CDKL4: variants seen among roughly 807,000 people sequenced by gnomAD.
The protein encoded by CDKL4 is cyclin dependent kinase like 4.
In CDKL4, 44 loss-of-function variants were observed where a neutral mutation model predicts 42.0. The observed-to-expected ratio is 1.05, with a 90% CI of 0.82 to 1.35. The LOEUF (loss-of-function observed/expected upper bound fraction) is 1.35. CDKL4 is among the 40% of genes most tolerant of loss of function. The pLI is 0.00. For missense variants in CDKL4, 393 were observed against 369.9 expected, an observed-to-expected ratio of 1.06 and a Z score of -0.51; for synonymous variants, 120 against 121.6, an observed-to-expected ratio of 0.99 and a Z score of 0.09.
At chr2:39,203,295 C>G (rs1676966782) in intron 5 of CDKL4, among the ~76,000 whole-genome samples, 2 of 152,138 alleles carry the variant, frequency 1.3e-5, no homozygotes, top group African/African-American at 4.8e-5. Context: ...GCTTTGCCAG[C>G]CCATGGAGAA....
intron 3 of CDKL4, among the ~76,000 whole-genome samples, chr2:39,223,581 CTTT>C (rs59461223): frequency 1.2e-5 from 1 of 83,488 alleles, no homozygotes; most frequent in Non-Finnish European, 2.4e-5. Context: ...ATTTCCTTCT[CTTT>C]TTTTTTTTTT....
At chr2:39,185,339 TATATACAC>T (rs1276162645) in intron 7 of CDKL4, among the ~76,000 whole-genome samples, 2 of 109,438 alleles carry the variant, frequency 1.8e-5, no homozygotes, top group Non-Finnish European at 3.6e-5. Flanking sequence ...CATATGTATA[TATATACAC>T]ATATGTATAT....
chr2:39,201,672 C>T (rs1291456469), intron 5 of CDKL4, among the ~76,000 whole-genome samples: 1 of 152,130 alleles, frequency 6.6e-6, no homozygotes. Context: ...TTTGCAGCAA[C>T]CTGGATGGAA....
chr2:39,203,390 G>C (rs375105052), intron 5 of CDKL4, among the ~76,000 whole-genome samples: 6 of 151,988 alleles, frequency 3.9e-5, no homozygotes, highest in African/African-American at 1.5e-4. Context: ...GCGTATCTGT[G>C]TAGGTTTTTT....
intron 4 of CDKL4, among the ~76,000 whole-genome samples, chr2:39,212,006 A>G (rs529256349): frequency 1.3e-5 from 2 of 152,302 alleles, no homozygotes; most frequent in East Asian, 3.9e-4. Flanking sequence ...TAAATTACAT[A>G]CAAGAAAAAG....
At chr2:39,220,422 G>C (rs1678232704) in intron 3 of CDKL4, among the ~76,000 whole-genome samples, 1 of 152,094 alleles carries the variant, frequency 6.6e-6, no homozygotes, top group Non-Finnish European at 1.5e-5. Context: ...GTGAAACAGA[G>C]GAAGAGGAGA....
At chr2:39,224,759 C>T (rs1174297138) in intron 3 of CDKL4, among the ~76,000 whole-genome samples, 2 of 152,128 alleles carry the variant, frequency 1.3e-5, no homozygotes, top group African/African-American at 4.8e-5. Context: ...CTGCCTCAGC[C>T]TCCCAAAGGC....
intron 1 of CDKL4, among the ~76,000 whole-genome samples, chr2:39,240,247 TTAAAA>T (rs139821059): frequency 3.0e-4 from 45 of 149,254 alleles, no homozygotes; most frequent in African/African-American, 1.1e-3. Flanking sequence ...CCGTCTCTAC[TTAAAA>T]TAAAATAAAA....
intron 7 of CDKL4, among the ~76,000 whole-genome samples, chr2:39,185,887 G>T (rs144713663): frequency 9.3e-4 from 142 of 152,126 alleles, no homozygotes; most frequent in African/African-American, 3.4e-3. Flanking sequence ...GGTAAATGTG[G>T]GTCCCAAATG....
intron 5 of CDKL4, among the ~76,000 whole-genome samples, chr2:39,196,118 G>A (rs1445789098): frequency 6.6e-6 from 1 of 152,114 alleles, no homozygotes; most frequent in Non-Finnish European, 1.5e-5. Flanking sequence ...CTATGCTACC[G>A]CAGCTGATGT....
At chr2:39,179,852 A>G (rs1675336067) in intron 8 of CDKL4, among the ~76,000 whole-genome samples, 1 of 152,192 alleles carries the variant, frequency 6.6e-6, no homozygotes, top group Admixed American at 6.6e-5. Context: ...AGTCATGAGA[A>G]TGAACCTAAA....
intron 4 of CDKL4, among the ~76,000 whole-genome samples, chr2:39,206,941 T>C (rs1677237592): frequency 6.6e-6 from 1 of 152,184 alleles, no homozygotes; most frequent in East Asian, 1.9e-4. Context: ...AGCCCTAAAA[T>C]CATTTTAGGT....
At chr2:39,203,788 G>A (rs753149066) in intron 5 of CDKL4, among the ~76,000 whole-genome samples, 19 of 152,240 alleles carry the variant, frequency 1.2e-4, no homozygotes, top group Middle Eastern at 6.8e-3. Flanking sequence ...GCATGGCACA[G>A]GGACCAATTA....
At chr2:39,224,637 G>A (rs940893924) in intron 3 of CDKL4, among the ~76,000 whole-genome samples, 1 of 151,626 alleles carries the variant, frequency 6.6e-6, no homozygotes, top group Non-Finnish European at 1.5e-5. Context: ...CCGAGTAGCT[G>A]GGACTACAGG....
At chr2:39,200,248 A>T (rs1184245964) in intron 5 of CDKL4, among the ~76,000 whole-genome samples, 1 of 152,122 alleles carries the variant, frequency 6.6e-6, no homozygotes, top group Non-Finnish European at 1.5e-5. Flanking sequence ...AATAGCTGCA[A>T]AAAAATAAAA....
chr2:39,200,447 C>A (rs1676780892), intron 5 of CDKL4, among the ~76,000 whole-genome samples: 1 of 152,098 alleles, frequency 6.6e-6, no homozygotes, highest in Non-Finnish European at 1.5e-5. Flanking sequence ...CAATTCCCAT[C>A]AAAATACCCC....
At chr2:39,236,768 T>G (rs1679397107) in intron 1 of CDKL4, among the ~76,000 whole-genome samples, 1 of 152,072 alleles carries the variant, frequency 6.6e-6, no homozygotes, top group Admixed American at 6.6e-5. Flanking sequence ...CCAAACAAGT[T>G]TACGCAACAA....
chr2:39,205,272 G>T (rs945575063), intron 4 of CDKL4, among the ~76,000 whole-genome samples: 1 of 152,076 alleles, frequency 6.6e-6, no homozygotes, highest in African/African-American at 2.4e-5. Context: ...AACCGTAAGA[G>T]GTAAAACTCT....
At chr2:39,214,856 T>A (rs1677819536) in intron 3 of CDKL4, among the ~76,000 whole-genome samples, 1 of 152,206 alleles carries the variant, frequency 6.6e-6, no homozygotes, top group African/African-American at 2.4e-5. Context: ...CTCATCCCTC[T>A]GTATAGAAAA....
Sources: gnomAD v4.1 joint callset for allele counts (sites outside exome capture counted in the v4.1 genomes callset) on GRCh38, gnomAD v4.1.1 for gene constraint, MANE v1.5 for transcripts, NCBI Gene and HGNC (gene_info 2026-07-23, HGNC 2026-07-21) for gene names.